ZFAT: variants seen among roughly 807,000 people sequenced by gnomAD.
ZFAT encodes zinc finger protein ZFAT.
A neutral mutation model predicts 117.7 loss-of-function variants in ZFAT; 64 were observed. That is an observed-to-expected ratio of 0.54 (90% CI 0.44 to 0.67). ZFAT has a LOEUF of 0.67. ZFAT is among the 30% of genes least tolerant of loss of function. ZFAT has a pLI of 0.00. For missense variants in ZFAT, 1,433 were observed against 1,584.5 expected, an observed-to-expected ratio of 0.90 and a Z score of 1.62; for synonymous variants, 679 against 615.0, an observed-to-expected ratio of 1.10 and a Z score of -1.54.
the ZFAT span, among the ~76,000 whole-genome samples, chr8:134,720,518 A>G: frequency 6.6e-6 from 1 of 152,222 alleles, no homozygotes; most frequent in Non-Finnish European, 1.5e-5. Flanking sequence ...AGAAAAAAAG[A>G]GAAACTTGGC....
chr8:134,756,831 C>T, the ZFAT span, among the ~76,000 whole-genome samples: 826 of 152,298 alleles, frequency 5.4e-3, 8 homozygotes, highest in African/African-American at 0.019. Flanking sequence ...GCTCCACAAG[C>T]GCAGTTGCTG....
intron 12 of ZFAT, among the ~76,000 whole-genome samples, chr8:134,528,841 A>C (rs1444626122): frequency 6.6e-6 from 1 of 152,222 alleles, no homozygotes; most frequent in Non-Finnish European, 1.5e-5. Flanking sequence ...AATAACAATA[A>C]TACCACCAAC....
intron 1 of ZFAT, 105 bp downstream of exon 1, chr8:134,712,740 G>GCGGC: frequency 8.6e-7 from 1 of 1,164,266 alleles, no homozygotes; most frequent in Non-Finnish European, 1.1e-6. Flanking sequence ...CCGGCGGCCG[G>GCGGC]CGGCCGGCGC....
At chr8:134,604,535 GCTT>G (rs1827742247) in intron 5 of ZFAT, among the ~76,000 whole-genome samples, 1 of 152,194 alleles carries the variant, frequency 6.6e-6, no homozygotes, top group South Asian at 2.1e-4. Context: ...GGCAAATGAG[GCTT>G]CTTCTCCAGC....
intron 3 of ZFAT, among the ~76,000 whole-genome samples, chr8:134,635,613 GAGAC>G (rs879507271): frequency 5.9e-4 from 88 of 148,930 alleles, no homozygotes; most frequent in Non-Finnish European, 9.9e-4. Context: ...GACAGAAAGA[GAGAC>G]AGGGAGAGAG....
At chr8:134,606,065 G>A (rs931375606) in intron 5 of ZFAT, among the ~76,000 whole-genome samples, 1 of 152,184 alleles carries the variant, frequency 6.6e-6, no homozygotes, top group South Asian at 2.1e-4. Flanking sequence ...TAAGCAAGAG[G>A]GAGGAAAGGC....
the ZFAT span, among the ~76,000 whole-genome samples, chr8:134,819,441 T>C: frequency 2.0e-5 from 3 of 151,564 alleles, no homozygotes; most frequent in Non-Finnish European, 4.4e-5. Flanking sequence ...TATCTGCAGA[T>C]TTGGTAATTT....
chr8:134,810,464 C>T, the ZFAT span, among the ~76,000 whole-genome samples: 1 of 152,176 alleles, frequency 6.6e-6, no homozygotes. Context: ...TAATCTACTT[C>T]ACGCTCTACT....
the ZFAT span, among the ~76,000 whole-genome samples, chr8:134,735,861 G>A: frequency 2.9e-3 from 437 of 152,060 alleles, no homozygotes; most frequent in Non-Finnish European, 3.7e-3. Flanking sequence ...CTAGTGTTAC[G>A]CAAAATAAAG....
intron 1 of ZFAT, among the ~76,000 whole-genome samples, chr8:134,691,354 G>GTA (rs869037977): frequency 1.9e-5 from 1 of 52,750 alleles, no homozygotes; most frequent in South Asian, 5.8e-4. Context: ...GCGGGGCTCA[G>GTA]GTGGTGGCCA....
the ZFAT span, among the ~76,000 whole-genome samples, chr8:134,752,717 C>T: frequency 6.6e-6 from 1 of 152,140 alleles, no homozygotes; most frequent in East Asian, 1.9e-4. Context: ...AACTCACTTC[C>T]AAGCTTGTGC....
At chr8:134,626,318 G>A (rs889529199) in intron 3 of ZFAT, among the ~76,000 whole-genome samples, 10 of 152,328 alleles carry the variant, frequency 6.6e-5, no homozygotes, top group Middle Eastern at 6.8e-3. Flanking sequence ...ATGGATCCAC[G>A]TGGCAAGAGC....
the ZFAT span, chr8:134,795,543 T>C: frequency 1.3e-5 from 2 of 152,180 alleles, no homozygotes; most frequent in African/African-American, 4.8e-5. Flanking sequence ...TGGCTGACAC[T>C]TAAGTATCAT....
intron 9 of ZFAT, 28 bp downstream of exon 9, chr8:134,588,218 T>G (rs1826203283): frequency 6.5e-7 from 1 of 1,527,652 alleles, no homozygotes; most frequent in Non-Finnish European, 8.8e-7. Flanking sequence ...ATTAGAAAGG[T>G]GCCCAATTTG....
At chr8:134,608,915 G>T in intron 4 of ZFAT, 36 bp from the exon 5 acceptor site, 1 of 1,586,964 alleles carries the variant, frequency 6.3e-7, no homozygotes, top group Non-Finnish European at 8.5e-7. Context: ...TTATTGAGAG[G>T]CATCGAAAGT....
intron 3 of ZFAT, among the ~76,000 whole-genome samples, chr8:134,636,257 C>A (rs1192313506): frequency 6.6e-6 from 1 of 152,150 alleles, no homozygotes; most frequent in East Asian, 1.9e-4. Flanking sequence ...AGGCCAGGTC[C>A]CCTTACTAAC....
the ZFAT span, among the ~76,000 whole-genome samples, chr8:134,825,883 T>C: frequency 2.0e-5 from 3 of 151,556 alleles, no homozygotes; most frequent in Admixed American, 6.6e-5. Context: ...TAGCCGGGCG[T>C]GGTGGCGGGC....
intron 4 of ZFAT, 39 bp from the exon 5 acceptor site, chr8:134,608,918 T>C: frequency 6.3e-7 from 1 of 1,586,324 alleles, no homozygotes; most frequent in Non-Finnish European, 8.5e-7. Context: ...TTGAGAGGCA[T>C]CGAAAGTGGG....
Position 134,610,482 on chromosome 8 carries a change from C to T in ZFAT, c.622G>A (p.Glu208Lys), listed in dbSNP as rs1563672953. The T allele has an allele frequency of 2.5e-6, 4 of 1,613,400 alleles. No individual in the cohort carries two copies. The highest frequency in any genetic ancestry group is 1.7e-5 in the Admixed American group (1 of 59,858). Residue 208 changes from glutamate to lysine, a missense_variant, in exon 4 of 16, where the codon GAA (glutamate) becomes AAA (lysine). Coordinates refer to ENST00000377838, the MANE Select transcript of ZFAT (RefSeq NM_020863.4). ...TTGGTGCAGTCACCTGGAATTGCTT[C>T]GTGTGCAGTTAAAACCACACTTATG... ...PIISVVLTAH[E>K]AIPGATKIVP...
Sources: allele counts gnomAD v4.1 joint callset (sites outside exome capture counted in the v4.1 genomes callset), GRCh38; gene constraint gnomAD v4.1.1; transcripts MANE v1.5; gene names NCBI Gene and HGNC (gene_info 2026-07-23, HGNC 2026-07-21).